CFAP69: variants seen among roughly 807,000 people sequenced by gnomAD.
CFAP69 encodes cilia and flagella associated protein 69.
A neutral mutation model predicts 123.0 loss-of-function variants in CFAP69; 92 were observed. The ratio of observed to expected loss-of-function variants is 0.75; its 90% CI spans 0.63 to 0.89. The LOEUF (loss-of-function observed/expected upper bound fraction) is 0.89. Among genes scored for constraint, CFAP69 ranks in the 40% least tolerant of loss-of-function variants. The pLI, the probability that CFAP69 is intolerant of heterozygous loss-of-function variation, is 0.00. For missense variants in CFAP69, 1,067 were observed against 1,096.9 expected, an observed-to-expected ratio of 0.97 and a Z score of 0.39; for synonymous variants, 380 against 364.3, an observed-to-expected ratio of 1.04 and a Z score of -0.49.
chr7:90,252,392 G>A (rs1014857763), intron 1 of CFAP69, among the ~76,000 whole-genome samples: 5 of 152,048 alleles, frequency 3.3e-5, no homozygotes, highest in African/African-American at 9.7e-5. Flanking sequence ...AAATGGCTGG[G>A]CATGTTGGCT....
intron 17 of CFAP69, chr7:90,302,796 T>C (rs1042572404): frequency 6.6e-6 from 1 of 152,238 alleles, no homozygotes; most frequent in African/African-American, 2.4e-5. Flanking sequence ...TCCTTGGCTA[T>C]TGGGGCTCTT....
rs10228035 is a variant in CFAP69, at chr7:90,308,656, A to G, written c.2551-607A>G. Among the ~76,000 whole-genome samples the G allele has an allele frequency of 5.9e-3, 898 of 152,260 alleles. 15 individuals carry two copies. The highest frequency in any genetic ancestry group is 0.02 in the African/African-American group (848 of 41,566). On this transcript the variant is annotated intron_variant, in intron 21 of 22. Transcript: ENST00000389297. ...AAGGTACCAAGTTATCTCCCTGTTCACTGAAAGTTCTTCCCAATTCTACTT... is the reference window on the plus strand; with the variant it reads ...AAGGTACCAAGTTATCTCCCTGTTCGCTGAAAGTTCTTCCCAATTCTACTT...
At chr7:90,289,462 T>C (rs1340993044) in intron 15 of CFAP69, among the ~76,000 whole-genome samples, 2 of 152,172 alleles carry the variant, frequency 1.3e-5, no homozygotes, top group Non-Finnish European at 2.9e-5. Flanking sequence ...CTCAAGTCTC[T>C]TGCTCATTTT....
intron 15 of CFAP69, among the ~76,000 whole-genome samples, chr7:90,297,081 T>A (rs1389767241): frequency 2.0e-5 from 3 of 152,232 alleles, no homozygotes; most frequent in Admixed American, 1.3e-4. Flanking sequence ...TAAAAATATG[T>A]CAAAGGAATA....
intron 9 of CFAP69, among the ~76,000 whole-genome samples, chr7:90,275,645 A>G (rs1465581717): frequency 9.2e-6 from 1 of 109,278 alleles, no homozygotes. Context: ...TCTGTCGCCC[A>G]GGCCGGAGTG....
chr7:90,263,544 T>A (rs550440792), intron 4 of CFAP69, among the ~76,000 whole-genome samples: 2 of 152,150 alleles, frequency 1.3e-5, no homozygotes, highest in Non-Finnish European at 2.9e-5. Flanking sequence ...GAACAAAAAG[T>A]ACTAGTTTTA....
the CFAP69 span, chr7:90,320,964 T>G: frequency 6.6e-6 from 1 of 151,908 alleles, no homozygotes; most frequent in South Asian, 2.1e-4. Flanking sequence ...CGAGGACCTC[T>G]GGTCGCCGTC....
At position 90,271,654 on chromosome 7, in the gene CFAP69, C is replaced by G. The variant is rs1423929845; in HGVS notation, c.661C>G (p.Leu221Val). 24 of 1,613,364 alleles carry G rather than the reference C, an allele frequency of 1.5e-5. No individual in the cohort carries two copies. Among genetic ancestry groups the G allele is most frequent in the Non-Finnish European group, 2.0e-5 (24 of 1,179,616 alleles). The change falls in exon 7 of 23, where the codon CTG becomes GTG. Residue 221 changes from leucine to valine, a missense_variant. Physicochemically the swap from Leu to Val is conservative, Grantham distance 32. Coordinates refer to ENST00000389297, the MANE Select transcript of CFAP69 (RefSeq NM_001039706.3). Reference protein sequence around the residue: ...LVEKLWVLKVLQHLSTSEVNC... With the variant: ...LVEKLWVLKVVQHLSTSEVNC... The stretch of plus-strand genomic sequence containing the variant: ...TGAGAAACTTTGGGTACTTAAAGTT[C>G]TGCAGCATCTCTCAACTTCTGGTTT...
intron 15 of CFAP69, among the ~76,000 whole-genome samples, chr7:90,293,849 G>T (rs368987156): frequency 6.6e-6 from 1 of 152,120 alleles, no homozygotes; most frequent in Admixed American, 6.6e-5. Context: ...GCCTTACCTA[G>T]CCATAAAGCA....
At chr7:90,305,057 T>C (rs1228414149) in intron 19 of CFAP69, among the ~76,000 whole-genome samples, 1 of 152,112 alleles carries the variant, frequency 6.6e-6, no homozygotes, top group African/African-American at 2.4e-5. Context: ...ACAAAACTGA[T>C]ATAAGCCGGG....
chr7:90,276,498 T>G (rs544386325), intron 9 of CFAP69, among the ~76,000 whole-genome samples: 4 of 152,314 alleles, frequency 2.6e-5, no homozygotes, highest in South Asian at 4.1e-4. Flanking sequence ...CCCTGTAAAC[T>G]CTCCCTAATG....
chr7:90,257,773 T>C (rs1005058554), intron 2 of CFAP69, among the ~76,000 whole-genome samples: 22 of 152,162 alleles, frequency 1.4e-4, no homozygotes, highest in African/African-American at 1.9e-4. Flanking sequence ...CATTCATCCA[T>C]TGATGGACAC....
chr7:90,287,207 C>A (rs1790430090), intron 14 of CFAP69, among the ~76,000 whole-genome samples: 1 of 151,682 alleles, frequency 6.6e-6, no homozygotes, highest in Non-Finnish European at 1.5e-5. Flanking sequence ...TTTATCTGTT[C>A]CCCTATTGAT....
At chr7:90,283,218 C>T (rs1789750915) in intron 13 of CFAP69, among the ~76,000 whole-genome samples, 162 bp downstream of exon 13, 1 of 152,132 alleles carries the variant, frequency 6.6e-6, no homozygotes, top group African/African-American at 2.4e-5. Context: ...ATTAGTGTGT[C>T]TTATTGAAAT....
chr7:90,265,055 G>A (rs752576235), intron 4 of CFAP69, among the ~76,000 whole-genome samples: 4 of 152,090 alleles, frequency 2.6e-5, no homozygotes, highest in Non-Finnish European at 4.4e-5. Context: ...GCCTCCCAAG[G>A]CGCTGGGATT....
chr7:90,319,444 A>G, the CFAP69 span: 3 of 398,524 alleles, frequency 7.5e-6, no homozygotes, highest in African/African-American at 6.2e-5. Context: ...CAAGCAGTCT[A>G]CATACATGTC....
intron 8 of CFAP69, 28 bp downstream of exon 8, chr7:90,271,986 T>C (rs1407531665): frequency 1.3e-6 from 2 of 1,570,508 alleles, no homozygotes; most frequent in Admixed American, 3.7e-5. Flanking sequence ...GATAGGAATG[T>C]TCTTTTAATC....
chr7:90,262,135 G>A, intron 4 of CFAP69, 79 bp downstream of exon 4: 1 of 870,770 alleles, frequency 1.1e-6, no homozygotes, highest in South Asian at 1.7e-5. Context: ...AACATACTAT[G>A]CATTATAGTG....
chr7:90,250,187 G>GAAGAGAGAGAGA (rs1796799293), intron 1 of CFAP69, among the ~76,000 whole-genome samples: 1 of 125,728 alleles, frequency 8.0e-6, no homozygotes, highest in Non-Finnish European at 1.7e-5. Context: ...TTTAAAGAGA[G>GAAGAGAGAGAGA]GAGAGAGAGA....
Sources: allele counts gnomAD v4.1 joint callset (sites outside exome capture counted in the v4.1 genomes callset), GRCh38; gene constraint gnomAD v4.1.1; transcripts MANE v1.5; gene names NCBI Gene and HGNC (gene_info 2026-07-23, HGNC 2026-07-21).